ZBTB11: variants seen among roughly 807,000 people sequenced by gnomAD.
ZBTB11 encodes the protein zinc finger and BTB domain containing 11.
ZBTB11 carries 68 observed loss-of-function variants against 113.1 expected under a neutral mutation model. The observed-to-expected ratio is 0.60, with a 90% CI of 0.49 to 0.74. ZBTB11 has a LOEUF of 0.74. ZBTB11 is among the 30% of genes least tolerant of loss of function. ZBTB11 has a pLI of 0.00. For synonymous variants in ZBTB11, 518 were observed against 452.6 expected (o/e 1.14, Z -1.83); for missense variants, 1,104 against 1,279.4 (o/e 0.86, Z 2.09).
chr3:101,663,775 A>G (rs1286620984), intron 5 of ZBTB11, among the ~76,000 whole-genome samples: 2 of 152,160 alleles, frequency 1.3e-5, no homozygotes, highest in African/African-American at 2.4e-5. Context: ...CTGTAGTCCC[A>G]GCTACTCAGG....
rs1426027213 is a variant in ZBTB11, at chr3:101,677,118, G to T, written c.-204C>A. 3.5e-6 allele frequency: 2 copies of T among 570,896 alleles called. No homozygotes were observed. The highest frequency in any genetic ancestry group is 2.0e-5 in the African/African-American group (1 of 51,272). The allele number at this position is 570,896 out of a possible 1,614,324, so 35.4% of individuals were successfully genotyped here. ...GGAACTGCACTTCTCCAGCGCGCGGGATCCGCTGGCGACTGACAAAATGGC... is the reference window on the plus strand; with the variant it reads ...GGAACTGCACTTCTCCAGCGCGCGGTATCCGCTGGCGACTGACAAAATGGC... On this transcript the variant is annotated 5_prime_UTR_variant, in exon 1 of 11. Coordinates refer to ENST00000312938, the MANE Select transcript of ZBTB11 (RefSeq NM_014415.4).
At chr3:101,651,863 G>A (rs951803272) in intron 10 of ZBTB11, among the ~76,000 whole-genome samples, 180 bp from the exon 11 acceptor site, 3 of 152,142 alleles carry the variant, frequency 2.0e-5, no homozygotes, top group Non-Finnish European at 4.4e-5. Context: ...GCCGGGCACG[G>A]TGGCTCACAC....
rs1161487487 is a variant in ZBTB11, at chr3:101,677,128, C to G, written c.-214G>C. ...TTCTCCAGCGCGCGGGATCCGCTGGCGACTGACAAAATGGCTGCTGCACCA... is the reference window on the plus strand; with the variant it reads ...TTCTCCAGCGCGCGGGATCCGCTGGGGACTGACAAAATGGCTGCTGCACCA... On this transcript the variant is annotated 5_prime_UTR_variant, in exon 1 of 11. Transcript: ENST00000312938. 2 of 546,050 alleles carry G rather than the reference C, an allele frequency of 3.7e-6. No individual in the cohort carries two copies. Among genetic ancestry groups the G allele is most frequent in the Admixed American group, 3.8e-5 (1 of 26,072 alleles). The allele number at this position is 546,050 out of a possible 1,614,324, so 33.8% of individuals were successfully genotyped here. A position where few individuals can be genotyped will look rare whatever the true frequency, so the allele number is the denominator to read the frequency against.
chr3:101,656,081 T>C (rs755355031), intron 7 of ZBTB11, 23 bp downstream of exon 7: 5 of 1,466,602 alleles, frequency 3.4e-6, no homozygotes, highest in Non-Finnish European at 4.5e-6. Context: ...AATGTAACTA[T>C]GTCAATATAA....
At chr3:101,674,781 T>TA (rs55696231) in intron 1 of ZBTB11, among the ~76,000 whole-genome samples, 50,019 of 148,488 alleles carry the variant, frequency 0.34, 8,677 homozygotes, top group Middle Eastern at 0.47. Flanking sequence ...CACTAAAAAT[T>TA]AAAAAAAAAA....
At chr3:101,655,721 C>G (rs1435195020) in intron 7 of ZBTB11, 2 of 150,952 alleles carry the variant, frequency 1.3e-5, no homozygotes, top group African/African-American at 2.4e-5. Flanking sequence ...AGTGCAGTGG[C>G]GCGATCTTGG....
chr3:101,677,072 C>T lies in ZBTB11; in HGVS notation c.-158G>A. 3 of 813,380 alleles carry T rather than the reference C, an allele frequency of 3.7e-6. No homozygotes were observed. The highest frequency in any genetic ancestry group is 5.4e-6 in the Non-Finnish European group (3 of 552,496). 50.4% of individuals were successfully genotyped at this position (813,380 alleles called of 1,614,324 possible). A position where few individuals can be genotyped will look rare whatever the true frequency, so the allele number is the denominator to read the frequency against. On this transcript the variant is annotated 5_prime_UTR_variant, in exon 1 of 11. Coordinates refer to ENST00000312938, the MANE Select transcript of ZBTB11 (RefSeq NM_014415.4). ...CGGCTCCCTTAGTCCGAAGGAAAAG[C>T]GGGCGAGTTGGTAACCAGGGGGAAC...
intron 3 of ZBTB11, among the ~76,000 whole-genome samples, chr3:101,666,701 C>T (rs1937001881): frequency 6.6e-6 from 1 of 152,076 alleles, no homozygotes; most frequent in South Asian, 2.1e-4. Context: ...ATTTGTATAG[C>T]TCTCCAGAAT....
chr3:101,666,438 C>A (rs569042273), intron 3 of ZBTB11, among the ~76,000 whole-genome samples: 57 of 152,324 alleles, frequency 3.7e-4, no homozygotes, highest in South Asian at 2.5e-3. Context: ...TCCAATACAA[C>A]CTTCTTTACA....
Position 101,656,215 on chromosome 3 carries a change from G to A in ZBTB11, c.2080C>T (p.Leu694=), listed in dbSNP as rs368793051. 1 of 1,593,348 alleles carries A rather than the reference G, an allele frequency of 6.3e-7. No individual in the cohort carries two copies. Among genetic ancestry groups the A allele is most frequent in the African/African-American group, 1.4e-5 (1 of 73,616 alleles). The change falls in exon 7 of 11, where the codon CTA becomes TTA. Residue 694 remains leucine (L), a synonymous_variant. Transcript: ENST00000312938. ...CGKTFIYKHG[L]KLHQSLHQSQ... ...TGATGAAGACTCTGATGTAATTTTA[G>A]ACCATGCTTATAGATAAAAGTCTTT... is the stretch of plus-strand genomic sequence containing the variant.
In ZBTB11 at chr3:101,650,164, A is replaced by C. The variant is rs1358997826; in HGVS notation, c.*1002T>G. The stretch of plus-strand genomic sequence containing the variant: ...GAATAATTTTCAACATTCTGAAATT[A>C]CCTGACAATTACATGGTATCCACAG... On this transcript the variant is annotated 3_prime_UTR_variant, in exon 11 of 11. Coordinates refer to ENST00000312938, the MANE Select transcript of ZBTB11 (RefSeq NM_014415.4). 1 of 152,238 alleles carries C rather than the reference A, an allele frequency of 6.6e-6. No homozygotes were observed. Among genetic ancestry groups the C allele is most frequent in the Non-Finnish European group, 1.5e-5 (1 of 68,016 alleles). The allele number at this position is 152,238 out of a possible 1,614,324, so 9.4% of individuals were successfully genotyped here.
At chr3:101,671,913 A>G (rs766684084) in intron 2 of ZBTB11, 65 bp downstream of exon 2, 1 of 1,311,422 alleles carries the variant, frequency 7.6e-7, no homozygotes, top group Admixed American at 1.7e-5. Context: ...AAAATAAGTC[A>G]CCAAGGCTGC....
At chr3:101,666,463 G>T (rs1417831397) in intron 3 of ZBTB11, among the ~76,000 whole-genome samples, 2 of 152,166 alleles carry the variant, frequency 1.3e-5, no homozygotes, top group African/African-American at 2.4e-5. Context: ...CGGAAGGAGG[G>T]AAAGAGTGGT....
At chr3:101,675,328 C>T (rs1937146254) in intron 1 of ZBTB11, among the ~76,000 whole-genome samples, 1 of 152,174 alleles carries the variant, frequency 6.6e-6, no homozygotes, top group African/African-American at 2.4e-5. Context: ...GAATTTAATT[C>T]AGATATTGGT....
rs1175064729 is a variant in ZBTB11, at chr3:101,649,914, T to C, written c.*1252A>G. 6.6e-6 allele frequency: 1 copy of C among 152,628 alleles called. No homozygotes were observed. The highest frequency in any genetic ancestry group is 3.2e-3 in the Middle Eastern group (1 of 316). The allele number at this position is 152,628 out of a possible 1,614,324, so 9.5% of individuals were successfully genotyped here. ...GCTTCTAATACCTAAAAGCTTAATTTTTAACAATTATTCTTTGAGTGGTAG... is the reference window on the plus strand; with the variant it reads ...GCTTCTAATACCTAAAAGCTTAATTCTTAACAATTATTCTTTGAGTGGTAG... On this transcript the variant is annotated 3_prime_UTR_variant, in exon 11 of 11. Transcript: ENST00000312938.
chr3:101,674,888 T>C (rs1021244738), intron 1 of ZBTB11, among the ~76,000 whole-genome samples: 1 of 152,118 alleles, frequency 6.6e-6, no homozygotes, highest in Admixed American at 6.5e-5. Context: ...AAGTGTGAGA[T>C]CACAAAGGTC....
intron 10 of ZBTB11, among the ~76,000 whole-genome samples, chr3:101,652,223 C>T (rs1936716539): frequency 6.6e-6 from 1 of 152,116 alleles, no homozygotes; most frequent in Admixed American, 6.5e-5. Context: ...AGTTTCTGTG[C>T]ATAAACTCAT....
chr3:101,657,125 A>G (rs1391175820), intron 6 of ZBTB11, among the ~76,000 whole-genome samples: 1 of 135,800 alleles, frequency 7.4e-6, no homozygotes, highest in African/African-American at 2.8e-5. Flanking sequence ...TCAGTGACAG[A>G]GCAAGAATCA....
intron 7 of ZBTB11, 144 bp downstream of exon 7, chr3:101,655,960 C>T: frequency 1.4e-6 from 1 of 700,340 alleles, no homozygotes; most frequent in Middle Eastern, 5.1e-4. Context: ...CGCGCCCAGC[C>T]TGCACTTTTA....
Sources: gnomAD v4.1 joint callset for allele counts (sites outside exome capture counted in the v4.1 genomes callset) on GRCh38, gnomAD v4.1.1 for gene constraint, MANE v1.5 for transcripts, NCBI Gene and HGNC (gene_info 2026-07-23, HGNC 2026-07-21) for gene names.